Variants in PLA2G6 observed in about 807,000 individuals in gnomAD.
The protein encoded by PLA2G6 is 85/88 kDa calcium-independent phospholipase A2.
PLA2G6 carries 62 observed loss-of-function variants against 83.8 expected under a neutral mutation model. The ratio of observed to expected loss-of-function variants is 0.74; its 90% CI spans 0.60 to 0.91. The LOEUF is 0.91. PLA2G6 is among the 40% of genes least tolerant of loss of function. The pLI is 0.00. For synonymous variants in PLA2G6, 417 were observed against 449.8 expected, an observed-to-expected ratio of 0.93 and a Z score of 0.92; for missense variants, 944 against 1,102.0, an observed-to-expected ratio of 0.86 and a Z score of 2.03.
chr22:38,113,319 G>A (rs911597054), intron 15 of PLA2G6, among the ~76,000 whole-genome samples, 168 bp downstream of exon 15: 11 of 152,164 alleles, frequency 7.2e-5, no homozygotes, highest in Non-Finnish European at 1.3e-4. Flanking sequence ...TCCCTGCCCC[G>A]CACTGAGACT....
At chr22:38,127,563 G>T in intron 9 of PLA2G6, 2 of 755,210 alleles carry the variant, frequency 2.6e-6, no homozygotes, top group Non-Finnish European at 4.1e-6. Context: ...CCTCTCCAGA[G>T]TTCCAGGCTT....
intron 12 of PLA2G6, among the ~76,000 whole-genome samples, chr22:38,119,782 C>T (rs2087418377): frequency 6.6e-6 from 1 of 151,994 alleles, no homozygotes; most frequent in Non-Finnish European, 1.5e-5. Flanking sequence ...CAATATACTC[C>T]AGCATGGGCC....
intron 2 of PLA2G6, chr22:38,148,131 A>G (rs1180012322): frequency 4.1e-6 from 1 of 241,000 alleles, no homozygotes; most frequent in Non-Finnish European, 8.3e-6. Flanking sequence ...AATTAGCATC[A>G]CGGAGGCATG....
chr22:38,158,029 C>T lies in PLA2G6; in HGVS notation c.209+11189G>A, dbSNP rs148950173. On this transcript the variant is annotated intron_variant, in intron 2 of 16. Coordinates refer to ENST00000332509, the MANE Select transcript of PLA2G6 (RefSeq NM_003560.4). ...CCAGCCTGGGCAACAGAGCGACACC[C>T]CATCTCAAAAATAAATATATAAATA... Among the ~76,000 whole-genome samples, 819 of 151,856 alleles carry T rather than the reference C, an allele frequency of 5.4e-3. 6 individuals carry two copies. Among genetic ancestry groups the T allele is most frequent in the African/African-American group, 0.019 (780 of 41,392 alleles).
In PLA2G6 at chr22:38,116,065, T is replaced by C. The variant is rs745747130; in HGVS notation, c.1879+10A>G. 2.0e-5 allele frequency: 32 copies of C among 1,613,482 alleles called. No homozygotes were observed. The highest frequency in any genetic ancestry group is 5.3e-5 in the African/African-American group (4 of 74,884). ...TCGCTTCCCATGGATGCATCAAACATGGTTTAAACCTGAGGGCTGAGCTGG... is the reference window on the plus strand; with the variant it reads ...TCGCTTCCCATGGATGCATCAAACACGGTTTAAACCTGAGGGCTGAGCTGG... On this transcript the variant is annotated intron_variant, in intron 13 of 16. Coordinates refer to ENST00000332509, the MANE Select transcript of PLA2G6 (RefSeq NM_003560.4).
intron 2 of PLA2G6, among the ~76,000 whole-genome samples, chr22:38,158,607 CT>C (rs2089887978): frequency 6.6e-6 from 1 of 152,148 alleles, no homozygotes; most frequent in African/African-American, 2.4e-5. Context: ...CTTAATTGCA[CT>C]GTAGTTGGAG....
chr22:38,145,266 T>C, intron 3 of PLA2G6, 172 bp downstream of exon 3: 1 of 683,414 alleles, frequency 1.5e-6, no homozygotes, highest in Non-Finnish European at 2.7e-6. Context: ...TAGTCTCAAG[T>C]GATCCTCCCT....
intron 1 of PLA2G6, among the ~76,000 whole-genome samples, chr22:38,178,776 G>A (rs2090733638): frequency 6.6e-6 from 1 of 152,106 alleles, no homozygotes; most frequent in South Asian, 2.1e-4. Context: ...TGAGGTGGGA[G>A]AATCACTCAA....
chr22:38,177,493 A>C (rs1602300043), intron 1 of PLA2G6, among the ~76,000 whole-genome samples: 4 of 123,664 alleles, frequency 3.2e-5, no homozygotes, highest in East Asian at 2.3e-4. Context: ...ACAGAGTTTC[A>C]CTCTTGTTGC....
At chr22:38,166,918 G>A (rs1188634771) in intron 2 of PLA2G6, among the ~76,000 whole-genome samples, 2 of 151,914 alleles carry the variant, frequency 1.3e-5, no homozygotes, top group East Asian at 3.9e-4. Context: ...CCACCTCCAC[G>A]GATTGGCAGA....
chr22:38,130,272 T>C (rs190515177), intron 7 of PLA2G6: 245 of 158,478 alleles, frequency 1.5e-3, no homozygotes, highest in African/African-American at 5.6e-3. Context: ...GCTACAGATA[T>C]GTGTGTGTTT....
intron 7 of PLA2G6, chr22:38,131,138 C>T (rs2088186710): frequency 6.6e-6 from 1 of 152,146 alleles, no homozygotes; most frequent in Admixed American, 6.5e-5. Flanking sequence ...TAAAGTAAGA[C>T]CTGGGGACCC....
chr22:38,161,163 A>G (rs572658249), intron 2 of PLA2G6, among the ~76,000 whole-genome samples: 1 of 152,314 alleles, frequency 6.6e-6, no homozygotes, highest in East Asian at 1.9e-4. Context: ...TTGTATAGCG[A>G]TGGAAAATAA....
chr22:38,128,412 A>T lies in PLA2G6; in HGVS notation c.1205T>A (p.Ile402Asn), dbSNP rs764199136. Reference protein sequence around the residue: ...KIGRLVTRKAILTLLRTVGAE... With the variant: ...KIGRLVTRKANLTLLRTVGAE... The stretch of plus-strand genomic sequence containing the variant: ...CCCCACGGTTCTCAGCAGAGTCAAG[A>T]TCGCCTTCCTGGTGACAACTTGTCA... Residue 402 changes from isoleucine (I) to asparagine (N), a missense_variant, in exon 9 of 17, where the codon ATC becomes AAC. Coordinates refer to ENST00000332509, the MANE Select transcript of PLA2G6 (RefSeq NM_003560.4). The surrounding 1 kb of genome is among the most constrained non-coding windows in gnomAD (Gnocchi z 4.4). 71 of 1,613,954 alleles carry T rather than the reference A, an allele frequency of 4.4e-5. No individual in the cohort carries two copies. The highest frequency in any genetic ancestry group is 1.1e-5 in the Non-Finnish European group (13 of 1,180,000).
Position 38,140,130 on chromosome 22 carries a change from T to G in PLA2G6, c.649A>C (p.Asn217His). 1 of 1,614,164 alleles carries G rather than the reference T, an allele frequency of 6.2e-7. No individual in the cohort carries two copies. The highest frequency in any genetic ancestry group is 1.3e-5 in the African/African-American group (1 of 75,060). ...TGCAGCGGGGTCAGCCCTTGGTTAT[T>G]CACCTGGTTCAGGCCAGCCACTGCG... is the stretch of plus-strand genomic sequence containing the variant. ...RNAVAGLNQV[N>H]NQGLTPLHLA... The change falls in exon 5 of 17, where the codon AAT becomes CAT. Residue 217 changes from asparagine to histidine, a missense_variant. Asn to His is a moderately conservative substitution (Grantham distance 68). Coordinates refer to ENST00000332509, the MANE Select transcript of PLA2G6 (RefSeq NM_003560.4).
chr22:38,178,300 G>A (rs2090714488), intron 1 of PLA2G6, among the ~76,000 whole-genome samples: 1 of 152,184 alleles, frequency 6.6e-6, no homozygotes, highest in Non-Finnish European at 1.5e-5. Flanking sequence ...GTCAGGCACG[G>A]CAGTTCACTC....
intron 9 of PLA2G6, among the ~76,000 whole-genome samples, chr22:38,127,914 C>T (rs2087966915): frequency 6.6e-6 from 1 of 152,204 alleles, no homozygotes. Flanking sequence ...AGCCAGAGGG[C>T]CCGGGCCCCC....
At chr22:38,133,259 G>T (rs996989383) in intron 6 of PLA2G6, 13 of 579,740 alleles carry the variant, frequency 2.2e-5, no homozygotes, top group Non-Finnish European at 3.1e-5. Context: ...GAGGCTTCTG[G>T]TCCTTTCCTA....
intron 15 of PLA2G6, among the ~76,000 whole-genome samples, 158 bp downstream of exon 15, chr22:38,113,329 T>G (rs779040917): frequency 3.0e-4 from 45 of 152,106 alleles, no homozygotes; most frequent in African/African-American, 1.1e-3. Context: ...GCACTGAGAC[T>G]CTGAACTGTG....
Sources: allele counts gnomAD v4.1 joint callset (sites outside exome capture counted in the v4.1 genomes callset), GRCh38; gene constraint gnomAD v4.1.1; non-coding constraint Gnocchi (gnomAD v3.1); transcripts MANE v1.5; gene names NCBI Gene and HGNC (gene_info 2026-07-23, HGNC 2026-07-21).